The following RUNX3 variants were observed in gnomAD, a reference collection of about 807,000 sequenced individuals.
The protein encoded by RUNX3 is runt-related transcription factor 3.
RUNX3 carries 10 observed loss-of-function variants against 27.7 expected under a neutral mutation model. The ratio of observed to expected loss-of-function variants is 0.36; its 90% CI spans 0.22 to 0.61. The LOEUF is 0.61. Among genes scored for constraint, RUNX3 ranks in the 20% least tolerant of loss-of-function variants. RUNX3 has a pLI of 0.72. For missense variants in RUNX3, 469 were observed against 629.5 expected (o/e 0.75, Z 2.73); for synonymous variants, 270 against 269.2 (o/e 1.00, Z -0.03).
chr1:24,945,894 C>T (rs761075417), intron 2 of RUNX3, among the ~76,000 whole-genome samples: 10 of 152,162 alleles, frequency 6.6e-5, no homozygotes, highest in Non-Finnish European at 1.3e-4. Context: ...CACCATGGCC[C>T]CTTGTCTGAA....
rs1641116177 is a variant in RUNX3 at position 24,927,237 on chromosome 1, G to A, written c.439+337C>T. Among the ~76,000 whole-genome samples the A allele has an allele frequency of 6.6e-6, 1 of 152,072 alleles. No individual in the cohort carries two copies. The highest frequency in any genetic ancestry group is 1.5e-5 in the Non-Finnish European group (1 of 68,006). On this transcript the variant is annotated intron_variant, in intron 2 of 4. Transcript: ENST00000308873. This position sits in a 1 kb window ranked among gnomAD's most constrained non-coding sequence, Gnocchi z 5.0. ...AACCGCCTTGCTGAAAGACCTATAA[G>A]CTCCCTTTTTGAGCTTGTTAATCCA... is the stretch of plus-strand genomic sequence containing the variant.
rs1186415250 is a variant in RUNX3 at position 24,902,169 on chromosome 1, G to A, written c.1201C>T (p.Leu401=). 7 of 1,571,608 alleles carry A rather than the reference G, an allele frequency of 4.5e-6. No homozygotes were observed. Among genetic ancestry groups the A allele is most frequent in the Non-Finnish European group, 6.0e-6 (7 of 1,160,172 alleles). ...TCATCCATGCGGCCTGGCGTGCTCA[G>A]GGCCGTGGGTGAGTTGCTGTGGCTG... is the stretch of plus-strand genomic sequence containing the variant. The part of the protein sequence containing the change: ...DGSHSNSPTA[L]STPGRMDEAV... The change falls in exon 5 of 5, where the codon CTG becomes TTG. Residue 401 remains leucine (L), a synonymous_variant. Coordinates refer to ENST00000308873, the MANE Select transcript of RUNX3 (RefSeq NM_004350.3). This position sits in a 1 kb window ranked among gnomAD's most constrained non-coding sequence, Gnocchi z 9.2.
At chr1:24,922,150 C>CCCTTCCTT (rs1190899414) in intron 2 of RUNX3, among the ~76,000 whole-genome samples, 5 of 150,824 alleles carry the variant, frequency 3.3e-5, no homozygotes, top group African/African-American at 1.2e-4. Flanking sequence ...TTCCTTCCCT[C>CCCTTCCTT]CCTTCCTTCC....
At chr1:24,925,832 G>A (rs750298483) in intron 2 of RUNX3, among the ~76,000 whole-genome samples, 3 of 151,854 alleles carry the variant, frequency 2.0e-5, no homozygotes, top group Non-Finnish European at 2.9e-5. Context: ...TCCCAGCCTC[G>A]GCCATTCCTG....
upstream of RUNX3, among the ~76,000 whole-genome samples, chr1:24,932,666 C>T (rs1641258509): frequency 6.6e-6 from 1 of 152,194 alleles, no homozygotes; most frequent in African/African-American, 2.4e-5. Flanking sequence ...ACAGAACAGG[C>T]TAGCTTGTTC....
upstream of RUNX3, chr1:24,930,302 T>C: frequency 1.1e-6 from 1 of 913,342 alleles, no homozygotes; most frequent in Non-Finnish European, 1.3e-6. The surrounding 1 kb of genome is among the most constrained non-coding windows in gnomAD (Gnocchi z 4.1). Context: ...CGCGCGGGGT[T>C]AGTACCCCCG....
chr1:24,921,132 CCCT>C (rs1640992578), intron 2 of RUNX3, among the ~76,000 whole-genome samples: 1 of 152,184 alleles, frequency 6.6e-6, no homozygotes, highest in African/African-American at 2.4e-5. Flanking sequence ...TCTGGTGTCC[CCCT>C]GACACGCCTC....
intron 3 of RUNX3, among the ~76,000 whole-genome samples, chr1:24,918,318 T>C (rs1640927529): frequency 6.6e-6 from 1 of 152,188 alleles, no homozygotes; most frequent in African/African-American, 2.4e-5. Flanking sequence ...TTCCTGCTCC[T>C]TGCACAGCAT....
rs1641044983 is a variant in RUNX3 at position 24,923,801 on chromosome 1, C to T, written c.439+3773G>A. Among the ~76,000 whole-genome samples, 1 of 152,234 alleles carries T rather than the reference C, an allele frequency of 6.6e-6. No individual in the cohort carries two copies. The highest frequency in any genetic ancestry group is 2.1e-4 in the South Asian group (1 of 4,834). On this transcript the variant is annotated intron_variant, in intron 2 of 4. Transcript: ENST00000308873. The surrounding 1 kb of genome is among the most constrained non-coding windows in gnomAD (Gnocchi z 5.9). ...CGGTTCCCCTCAGCCTGCACCGGCA[C>T]ACTGCACCCCGAATCTCTGTCGACA...
intron 2 of RUNX3, among the ~76,000 whole-genome samples, chr1:24,950,707 G>T (rs1641738032): frequency 6.6e-6 from 1 of 152,122 alleles, no homozygotes; most frequent in Non-Finnish European, 1.5e-5. Context: ...CATGAACAGG[G>T]CCATGCCTGT....
intron 2 of RUNX3, among the ~76,000 whole-genome samples, chr1:24,925,845 A>G (rs141596477): frequency 1.3e-5 from 2 of 152,256 alleles, no homozygotes; most frequent in African/African-American, 4.8e-5. Flanking sequence ...CATTCCTGCT[A>G]CAAGGACAAG....
At chr1:24,908,336 C>A (rs981987985) in intron 3 of RUNX3, among the ~76,000 whole-genome samples, 1 of 152,206 alleles carries the variant, frequency 6.6e-6, no homozygotes, top group African/African-American at 2.4e-5. Context: ...ACCTCTACAA[C>A]ACACTGTTTG....
intron 3 of RUNX3, among the ~76,000 whole-genome samples, chr1:24,910,936 G>A (rs1441573897): frequency 6.6e-6 from 1 of 152,228 alleles, no homozygotes; most frequent in Non-Finnish European, 1.5e-5. Flanking sequence ...AAGTGGGATG[G>A]GTGGGGCCTG....
intron 2 of RUNX3, among the ~76,000 whole-genome samples, chr1:24,924,234 G>A (rs762019619): frequency 2.0e-5 from 3 of 152,126 alleles, no homozygotes; most frequent in Non-Finnish European, 2.9e-5. Context: ...AAAATCAGCT[G>A]AGCATGGTGG....
chr1:24,941,390 C>G (rs1571340251), intron 2 of RUNX3, among the ~76,000 whole-genome samples: 1 of 152,198 alleles, frequency 6.6e-6, no homozygotes, highest in Non-Finnish European at 1.5e-5. Flanking sequence ...GAGCCAGGCC[C>G]CTTGATTATA....
At chr1:24,925,001 A>G (rs558713526) in intron 2 of RUNX3, among the ~76,000 whole-genome samples, 1 of 152,126 alleles carries the variant, frequency 6.6e-6, no homozygotes, top group Non-Finnish European at 1.5e-5. Flanking sequence ...TGGAATTCAG[A>G]CAGAATGTAG....
chr1:24,924,922 C>G (rs1641070541), intron 2 of RUNX3, among the ~76,000 whole-genome samples: 1 of 152,174 alleles, frequency 6.6e-6, no homozygotes, highest in South Asian at 2.1e-4. Context: ...TTGGTTCACA[C>G]CTTCAGCCCT....
intron 2 of RUNX3, among the ~76,000 whole-genome samples, chr1:24,926,343 A>G (rs1307283237): frequency 6.6e-6 from 1 of 152,264 alleles, no homozygotes; most frequent in African/African-American, 2.4e-5. Flanking sequence ...AACATTTTCC[A>G]TCCATCAACC....
chr1:24,935,232 G>A (rs566672581), upstream of RUNX3, among the ~76,000 whole-genome samples: 6 of 152,212 alleles, frequency 3.9e-5, no homozygotes, highest in Non-Finnish European at 8.8e-5. Flanking sequence ...AGTGCCTCTC[G>A]CCCAGGGGAA....
Sources: allele counts gnomAD v4.1 joint callset (sites outside exome capture counted in the v4.1 genomes callset), GRCh38; gene constraint gnomAD v4.1.1; non-coding constraint Gnocchi (gnomAD v3.1); transcripts MANE v1.5; gene names NCBI Gene and HGNC (gene_info 2026-07-23, HGNC 2026-07-21).